CREB5: variants seen among roughly 807,000 people sequenced by gnomAD.
CREB5 encodes cAMP responsive element binding protein 5.
A neutral mutation model predicts 57.1 loss-of-function variants in CREB5; 19 were observed. The observed-to-expected ratio is 0.33, with a 90% CI of 0.23 to 0.49. The LOEUF is 0.49. CREB5 is among the 20% of genes least tolerant of loss of function. The pLI is 0.99. For missense variants in CREB5, 579 were observed against 671.6 expected, an observed-to-expected ratio of 0.86 and a Z score of 1.52; for synonymous variants, 238 against 238.3, an observed-to-expected ratio of 1.00 and a Z score of 0.01.
At chr7:28,648,264 A>C (rs1235694912) in intron 5 of CREB5, among the ~76,000 whole-genome samples, 1 of 152,142 alleles carries the variant, frequency 6.6e-6, no homozygotes, top group Non-Finnish European at 1.5e-5. Context: ...TTAGCACCAA[A>C]GTGTGTGATT....
chr7:28,456,514 G>T (rs752294922), intron 1 of CREB5, among the ~76,000 whole-genome samples: 6 of 152,114 alleles, frequency 3.9e-5, no homozygotes, highest in Non-Finnish European at 8.8e-5. Context: ...TGGCTGGGGT[G>T]GGGGGCTTCA....
At chr7:28,352,889 G>T (rs1043383187) in intron 1 of CREB5, among the ~76,000 whole-genome samples, 1 of 152,142 alleles carries the variant, frequency 6.6e-6, no homozygotes, top group Non-Finnish European at 1.5e-5. Context: ...GAAAGCTAGG[G>T]TTTGAACCAA....
At chr7:28,544,342 A>G (rs1455517244) in intron 4 of CREB5, among the ~76,000 whole-genome samples, 1 of 152,184 alleles carries the variant, frequency 6.6e-6, no homozygotes, top group Non-Finnish European at 1.5e-5. Context: ...CTGTCAATGA[A>G]TTGCCGAATT....
intron 1 of CREB5, among the ~76,000 whole-genome samples, chr7:28,343,368 C>T (rs1785974911): frequency 6.6e-6 from 1 of 152,146 alleles, no homozygotes; most frequent in South Asian, 2.1e-4. Context: ...ATCCCCAGAC[C>T]CTGGTAACCA....
chr7:28,825,821 C>G lies in CREB5; in HGVS notation c.*6542C>G, dbSNP rs1402291977. 1 of 152,576 alleles carries G rather than the reference C, an allele frequency of 6.6e-6. No individual in the cohort carries two copies. Among genetic ancestry groups the G allele is most frequent in the Non-Finnish European group, 1.5e-5 (1 of 68,036 alleles). The allele number at this position is 152,576 out of a possible 1,614,324, so 9.5% of individuals were successfully genotyped here. ...TACATCTCTTTCTAGCAAGAAGAGA[C>G]AAGATTTTGTGCATTTGTACAAATG... is the stretch of plus-strand genomic sequence containing the variant. On this transcript the variant is annotated 3_prime_UTR_variant, in exon 11 of 11. Coordinates refer to ENST00000357727, the MANE Select transcript of CREB5 (RefSeq NM_182898.4).
At chr7:28,746,786 C>T (rs2128760879) in intron 7 of CREB5, among the ~76,000 whole-genome samples, 1 of 152,326 alleles carries the variant, frequency 6.6e-6, no homozygotes, top group South Asian at 2.1e-4. Context: ...CACACTCCCA[C>T]TGGGTACACA....
intron 5 of CREB5, among the ~76,000 whole-genome samples, chr7:28,707,134 A>C (rs1562585951): frequency 6.6e-6 from 1 of 152,170 alleles, no homozygotes; most frequent in Non-Finnish European, 1.5e-5. Flanking sequence ...GGAGACACCC[A>C]TACCCCTCGG....
chr7:28,607,640 T>C lies in CREB5; in HGVS notation c.464+37103T>C, dbSNP rs373428769. ...ACCAAACTCTGGAAGTGTAGTGCATTGGAAGGAAAGTGGTTTAATGTCGTT... is the reference window on the plus strand; with the variant it reads ...ACCAAACTCTGGAAGTGTAGTGCATCGGAAGGAAAGTGGTTTAATGTCGTT... On this transcript the variant is annotated intron_variant, in intron 5 of 10. Coordinates refer to ENST00000357727, the MANE Select transcript of CREB5 (RefSeq NM_182898.4). 3.3e-5 allele frequency among the ~76,000 whole-genome samples: 5 copies of C among 152,136 alleles called. No homozygotes were observed. The South Asian group carries it at 8.3e-4, about 25-fold the overall frequency.
intron 9 of CREB5, among the ~76,000 whole-genome samples, chr7:28,811,555 G>A (rs1384577996): frequency 6.6e-6 from 1 of 151,910 alleles, no homozygotes; most frequent in Non-Finnish European, 1.5e-5. Flanking sequence ...TTTTTCTCTA[G>A]AGACAAGGTC....
At chr7:28,597,301 C>G (rs1367981732) in intron 5 of CREB5, among the ~76,000 whole-genome samples, 1 of 152,188 alleles carries the variant, frequency 6.6e-6, no homozygotes, top group Non-Finnish European at 1.5e-5. Context: ...CAGCCATCCT[C>G]TCAGGAGCGA....
intron 1 of CREB5, among the ~76,000 whole-genome samples, chr7:28,480,689 T>C (rs1791286655): frequency 6.6e-6 from 1 of 152,198 alleles, no homozygotes; most frequent in African/African-American, 2.4e-5. Context: ...ACCACACACA[T>C]GTCAAATAAA....
intron 7 of CREB5, among the ~76,000 whole-genome samples, chr7:28,746,427 C>A (rs917999386): frequency 3.9e-5 from 6 of 152,122 alleles, no homozygotes; most frequent in Admixed American, 3.9e-4. Context: ...GTCCCTTGAC[C>A]CACAGCACCA....
chr7:28,355,652 G>A (rs1379735368), intron 1 of CREB5, among the ~76,000 whole-genome samples: 23 of 152,124 alleles, frequency 1.5e-4, no homozygotes, highest in African/African-American at 2.2e-4. Flanking sequence ...AATGGTATTC[G>A]CATGTACAGC....
At chr7:28,471,751 C>T (rs1220963562) in intron 1 of CREB5, among the ~76,000 whole-genome samples, 3 of 152,138 alleles carry the variant, frequency 2.0e-5, no homozygotes, top group Admixed American at 2.0e-4. Flanking sequence ...TATCATCACA[C>T]ACTTCCAGAT....
intron 1 of CREB5, among the ~76,000 whole-genome samples, chr7:28,395,196 C>G (rs538527221): frequency 2.0e-5 from 3 of 152,314 alleles, no homozygotes; most frequent in African/African-American, 7.2e-5. Flanking sequence ...TCTCATCATA[C>G]TCTCAGATTC....
At chr7:28,603,637 A>G (rs1797009465) in intron 5 of CREB5, among the ~76,000 whole-genome samples, 1 of 152,216 alleles carries the variant, frequency 6.6e-6, no homozygotes, top group South Asian at 2.1e-4. Flanking sequence ...AATGAGTACA[A>G]TCTGAATGTG....
rs751152920 is a variant in CREB5 at position 28,495,145 on chromosome 7, G to A, written c.169+146G>A. 6.8e-5 allele frequency: 34 copies of A among 501,356 alleles called. No individual in the cohort carries two copies. In the Middle Eastern group the frequency reaches 8.6e-4, roughly 13 times the overall value. 31.1% of individuals were successfully genotyped at this position (501,356 alleles called of 1,614,324 possible). On this transcript the variant is annotated intron_variant, in intron 3 of 10. Transcript: ENST00000357727. The stretch of plus-strand genomic sequence containing the variant: ...TAAGGTATAGCAGAAATATAATCAG[G>A]TAATATTCACCCAAGTGACTGAAGA...
At position 28,608,059 on chromosome 7, in the gene CREB5, T is replaced by C. The variant is rs147433726; in HGVS notation, c.464+37522T>C. On this transcript the variant is annotated intron_variant, in intron 5 of 10. Transcript: ENST00000357727. ...AGAGATCTTATATGACTTCCCCTTA[T>C]ACCATACAGATTTCACACCCATGCC... Among the ~76,000 whole-genome samples the C allele has an allele frequency of 8.9e-3, 1,350 of 151,044 alleles. 8 individuals carry two copies. Among genetic ancestry groups the C allele is most frequent in the Non-Finnish European group, 0.013 (885 of 67,818 alleles).
chr7:28,507,648 A>C lies in CREB5; in HGVS notation c.202A>C (p.Asn68His). ...QTPTPTRFLK[N>H]CEEVGLFSEL... ...TCCGACCCCAACGAGATTCCTGAAG[A>C]ACTGCGAGGAGGTGGGCCTCTTCAG... Residue 68 changes from asparagine to histidine, a missense_variant, in exon 4 of 11, where the codon AAC becomes CAC. Physicochemically the swap from Asn to His is moderately conservative, Grantham distance 68. This residue lies in a region of CREB5 where 459 missense variants were observed against 515.7 expected (regional missense o/e 0.89). Coordinates refer to ENST00000357727, the MANE Select transcript of CREB5 (RefSeq NM_182898.4). The C allele has an allele frequency of 6.2e-7, 1 of 1,610,704 alleles. No individual in the cohort carries two copies. Among genetic ancestry groups the C allele is most frequent in the Non-Finnish European group, 8.5e-7 (1 of 1,177,624 alleles).
Sources: gnomAD v4.1 joint callset for allele counts (sites outside exome capture counted in the v4.1 genomes callset) on GRCh38, gnomAD v4.1.1 for gene constraint, gnomAD v4.1.1 regional missense constraint, MANE v1.5 for transcripts, NCBI Gene and HGNC (gene_info 2026-07-23, HGNC 2026-07-21) for gene names.